The following SPATA31E1 variants were observed in gnomAD, a reference collection of about 807,000 sequenced individuals.
The protein encoded by SPATA31E1 is SPATA31 subfamily E member 1, also known as spermatogenesis-associated protein 31E1.
A neutral mutation model predicts 12.9 loss-of-function variants in SPATA31E1; 7 were observed. The observed-to-expected ratio is 0.54, with a 90% CI of 0.31 to 1.02. The LOEUF is 1.02. SPATA31E1 is among the 50% of genes least tolerant of loss of function. The pLI is 0.05. For missense variants in SPATA31E1, 1,961 were observed against 1,799.8 expected, an observed-to-expected ratio of 1.09 and a Z score of -1.62; for synonymous variants, 771 against 719.0, an observed-to-expected ratio of 1.07 and a Z score of -1.16.
intron 3 of SPATA31E1, 21 bp from the exon 4 acceptor site, chr9:87,884,892 T>C: frequency 6.3e-7 from 1 of 1,588,316 alleles, no homozygotes; most frequent in South Asian, 1.1e-5. Context: ...GGCTGCAGCT[T>C]GTGCCTCTTG....
chr9:87,886,681 G>A lies in SPATA31E1; in HGVS notation c.2194G>A (p.Glu732Lys), dbSNP rs780597687. Residue 732 changes from glutamate to lysine, a missense_variant, in exon 4 of 4, where the codon GAA (glutamate) becomes AAA (lysine). Physicochemically the swap from Glu to Lys is moderately conservative, Grantham distance 56 (BLOSUM62 1). Transcript: ENST00000325643. The stretch of plus-strand genomic sequence containing the variant: ...AAGGACCTCAGTGAAGGCTCTGGAC[G>A]AAGACAAGGAGGCAGAAGGTGACTT... ...SGRTSVKALDEDKEAEGDLRR... is the reference protein window; with the variant it reads ...SGRTSVKALDKDKEAEGDLRR... 17 of 1,613,824 alleles carry A rather than the reference G, an allele frequency of 1.1e-5. No individual in the cohort carries two copies. The highest frequency in any genetic ancestry group is 9.3e-5 in the African/African-American group (7 of 74,890).
rs142446013 is a variant in SPATA31E1 at position 87,887,137 on chromosome 9, C to G, written c.2650C>G (p.Arg884Gly). 1 of 1,614,088 alleles carries G rather than the reference C, an allele frequency of 6.2e-7. No individual in the cohort carries two copies. The highest frequency in any genetic ancestry group is 1.1e-5 in the South Asian group (1 of 91,080). Residue 884 changes from arginine to glycine, a missense_variant, in exon 4 of 4, where the codon CGG becomes GGG. Transcript: ENST00000325643. ...TFTPWASWVS[R>G]VESVPKVPIF... The stretch of plus-strand genomic sequence containing the variant: ...TACCCCCTGGGCCTCCTGGGTATCT[C>G]GGGTTGAATCTGTACCCAAGGTTCC...
chr9:87,885,121 C>T lies in SPATA31E1; in HGVS notation c.634C>T (p.Pro212Ser), dbSNP rs979346190. The T allele has an allele frequency of 3.1e-6, 5 of 1,614,174 alleles. No homozygotes were observed. Among genetic ancestry groups the T allele is most frequent in the Admixed American group, 3.3e-5 (2 of 60,030 alleles). ...LSPGPMTFSE[P>S]FGPHSTLSAS... ...ACCAGGCCCGATGACCTTCTCAGAG[C>T]CTTTTGGACCACACTCAACCCTGAG... The change falls in exon 4 of 4, where the codon CCT becomes TCT. Residue 212 changes from proline to serine, a missense_variant. Pro to Ser is a moderately conservative substitution (Grantham distance 74, BLOSUM62 -1). Transcript: ENST00000325643.
Position 87,887,791 on chromosome 9 carries a change from C to T in SPATA31E1, c.3304C>T (p.Leu1102Phe). 1 of 1,613,964 alleles carries T rather than the reference C, an allele frequency of 6.2e-7. No individual in the cohort carries two copies. Among genetic ancestry groups the T allele is most frequent in the Non-Finnish European group, 8.5e-7 (1 of 1,180,018 alleles). Residue 1102 changes from leucine to phenylalanine, a missense_variant, in exon 4 of 4, where the codon CTC becomes TTC. Physicochemically the swap from Leu to Phe is conservative, Grantham distance 22. Coordinates refer to ENST00000325643, the MANE Select transcript of SPATA31E1 (RefSeq NM_178828.5). The part of the protein sequence containing the change: ...LKAQVVSEIA[L>F]IVQVDSEEQL... ...AGCGCAGGTGGTCAGTGAGATTGCG[C>T]TCATAGTGCAGGTGGACTCAGAGGA... is the stretch of plus-strand genomic sequence containing the variant.
rs1436833618 is a variant in SPATA31E1, at chr9:87,885,561, C to A, written c.1074C>A (p.His358Gln). The A allele has an allele frequency of 6.2e-7, 1 of 1,614,200 alleles. No individual in the cohort carries two copies. Among genetic ancestry groups the A allele is most frequent in the Non-Finnish European group, 8.5e-7 (1 of 1,180,054 alleles). ...HMEVGGCTFI[H>Q]PDVQKLLETL... Reference sequence around the variant, plus strand: ...AGGTAGGTGGCTGCACATTCATCCACCCTGACGTGCAGAAGCTGCTGGAGA... The same window carrying A: ...AGGTAGGTGGCTGCACATTCATCCAACCTGACGTGCAGAAGCTGCTGGAGA... Residue 358 changes from histidine to glutamine, a missense_variant, in exon 4 of 4, where the codon CAC (histidine) becomes CAA (glutamine). Physicochemically the swap from His to Gln is conservative, Grantham distance 24. Coordinates refer to ENST00000325643, the MANE Select transcript of SPATA31E1 (RefSeq NM_178828.5).
intron 1 of SPATA31E1, among the ~76,000 whole-genome samples, chr9:87,883,594 C>A (rs916413626): frequency 2.0e-5 from 3 of 152,180 alleles, no homozygotes; most frequent in Non-Finnish European, 4.4e-5. Context: ...CCCAGTAGAG[C>A]CTGGATTCGC....
At position 87,887,409 on chromosome 9, in the gene SPATA31E1, G is replaced by A; in HGVS notation, c.2922G>A (p.Arg974=). The A allele has an allele frequency of 6.2e-7, 1 of 1,613,820 alleles. No homozygotes were observed. Among genetic ancestry groups the A allele is most frequent in the Non-Finnish European group, 8.5e-7 (1 of 1,180,040 alleles). ...TTGTGGGCAGAACCTGGCAGAGCAG[G>A]ACTGTCCTGGAATCCGGGAAACCCA... ...CSLVGRTWQS[R]TVLESGKPKP... Residue 974 remains arginine, a synonymous_variant, in exon 4 of 4, where the codon AGG becomes AGA. Transcript: ENST00000325643.
rs1587569482 is a variant in SPATA31E1 at position 87,886,356 on chromosome 9, G to C, written c.1869G>C (p.Glu623Asp). The C allele has an allele frequency of 6.2e-7, 1 of 1,613,502 alleles. No individual in the cohort carries two copies. The highest frequency in any genetic ancestry group is 1.3e-5 in the African/African-American group (1 of 75,020). ...TTCCCGGGGTTGTCACCAGCCCTGA[G>C]CTCCCAGAGCACTGGTGGCAAGGAA... Reference protein sequence around the residue: ...PILPGVVTSPELPEHWWQGRN... With the variant: ...PILPGVVTSPDLPEHWWQGRN... The change falls in exon 4 of 4, where the codon GAG (glutamate) becomes GAC (aspartate). Residue 623 changes from glutamate (E) to aspartate (D), a missense_variant. Glu to Asp is a conservative substitution (Grantham distance 45, BLOSUM62 2). Coordinates refer to ENST00000325643, the MANE Select transcript of SPATA31E1 (RefSeq NM_178828.5).
intron 1 of SPATA31E1, among the ~76,000 whole-genome samples, chr9:87,883,503 C>T (rs1291692216): frequency 1.3e-5 from 2 of 152,186 alleles, no homozygotes; most frequent in Admixed American, 6.5e-5. Flanking sequence ...CACCCCCTTC[C>T]TGGGGCAGGT....
At chr9:87,884,448 T>C (rs1049442132) in intron 2 of SPATA31E1, 143 bp from the exon 3 acceptor site, 36 of 826,964 alleles carry the variant, frequency 4.4e-5, no homozygotes, top group South Asian at 2.7e-4. Flanking sequence ...CCTGTCACCA[T>C]TGGGGCCATG....
rs1457932576 is a variant in SPATA31E1, at chr9:87,888,717, GT to G, written c.4231del (p.Ser1411ProfsTer26). ...GGGCCCCACCTCCCAGGGAGCCTGT[GT>G]CCCCAGCTGGTCCCCACCACCACAG... ...SWAPPPREPV[S>X]PAGPHHHRPR... On this transcript the variant is annotated frameshift_variant, in exon 4 of 4. Transcript: ENST00000325643. LOFTEE classifies it low-confidence loss of function (END_TRUNC). 3 of 1,613,880 alleles carry G rather than the reference GT, an allele frequency of 1.9e-6. No homozygotes were observed. The East Asian group carries it at 6.7e-5, about 36-fold the overall frequency.
chr9:87,888,206 G>A lies in SPATA31E1; in HGVS notation c.3719G>A (p.Gly1240Glu), dbSNP rs1283619330. ...CACCCTGCCCAAGCCAGGGAAATAG[G>A]AGACAAACAAGAAAGGAAATACAAC... is the stretch of plus-strand genomic sequence containing the variant. ...RSHPAQAREI[G>E]DKQERKYNQL... Residue 1240 changes from glycine to glutamate, a missense_variant, in exon 4 of 4, where the codon GGA becomes GAA. Coordinates refer to ENST00000325643, the MANE Select transcript of SPATA31E1 (RefSeq NM_178828.5). The A allele has an allele frequency of 6.2e-7, 1 of 1,613,936 alleles. No individual in the cohort carries two copies. Among genetic ancestry groups the A allele is most frequent in the Non-Finnish European group, 8.5e-7 (1 of 1,180,022 alleles).
At position 87,885,319 on chromosome 9, in the gene SPATA31E1, A is replaced by G. The variant is rs1435858998; in HGVS notation, c.832A>G (p.Ser278Gly). The change falls in exon 4 of 4, where the codon AGC becomes GGC. Residue 278 changes from serine (S) to glycine (G), a missense_variant. By Grantham distance (56) the Ser-to-Gly change is moderately conservative (BLOSUM62 0). Coordinates refer to ENST00000325643, the MANE Select transcript of SPATA31E1 (RefSeq NM_178828.5). ...CGSTTCPVPQ[S>G]SPLHNQVLPP... ...CTCCACAACATGCCCCGTCCCCCAG[A>G]GCTCCCCTCTACACAACCAGGTGCT... The G allele has an allele frequency of 3.1e-6, 5 of 1,613,750 alleles. No individual in the cohort carries two copies. Among genetic ancestry groups the G allele is most frequent in the African/African-American group, 1.3e-5 (1 of 74,954 alleles).
Position 87,885,436 on chromosome 9 carries a change from G to C in SPATA31E1, c.949G>C (p.Gly317Arg), listed in dbSNP as rs200684529. ...CTGGAGGGAGGCTGCCACCACCTGG[G>C]GCCTCTCCACCTACTCACATGGCAA... ...YCWREAATTWGLSTYSHGKSQ... is the reference protein window; with the variant it reads ...YCWREAATTWRLSTYSHGKSQ... The change falls in exon 4 of 4, where the codon GGC (glycine) becomes CGC (arginine). Residue 317 changes from glycine (G) to arginine (R), a missense_variant. Coordinates refer to ENST00000325643, the MANE Select transcript of SPATA31E1 (RefSeq NM_178828.5). 5 of 1,613,884 alleles carry C rather than the reference G, an allele frequency of 3.1e-6. No individual in the cohort carries two copies. Among genetic ancestry groups the C allele is most frequent in the Admixed American group, 3.3e-5 (2 of 60,004 alleles).
intron 2 of SPATA31E1, 144 bp downstream of exon 2, chr9:87,884,190 A>C: frequency 9.0e-7 from 1 of 1,109,522 alleles, no homozygotes; most frequent in Non-Finnish European, 1.3e-6. Flanking sequence ...TGCGGGAATG[A>C]AGCCACGGGC....
chr9:87,884,489 G>A, intron 2 of SPATA31E1, 102 bp from the exon 3 acceptor site: 1 of 1,227,542 alleles, frequency 8.1e-7, no homozygotes, highest in Non-Finnish European at 1.2e-6. Context: ...AGGGCTTCAG[G>A]GTCTAGTCCC....
Position 87,886,450 on chromosome 9 carries a change from C to T in SPATA31E1, c.1963C>T (p.Gln655Ter), listed in dbSNP as rs771379973. ...ATTGCAGGCATCTGGGGACCTGCTACAGCCTGATGGGGAATTCCCAGGGAG... is the reference window on the plus strand; with the variant it reads ...ATTGCAGGCATCTGGGGACCTGCTATAGCCTGATGGGGAATTCCCAGGGAG... ...SRLQASGDLLQPDGEFPGRPQ... is the reference protein window; with the variant it reads ...SRLQASGDLL The change falls in exon 4 of 4, where the codon CAG becomes TAG. Residue 655 changes from glutamine to a stop codon, truncating the protein, a stop_gained. Transcript: ENST00000325643. LOFTEE classifies it low-confidence loss of function (END_TRUNC). 3.7e-6 allele frequency: 6 copies of T among 1,613,980 alleles called. No individual in the cohort carries two copies. The highest frequency in any genetic ancestry group is 5.1e-6 in the Non-Finnish European group (6 of 1,179,978).
Position 87,885,695 on chromosome 9 carries a change from T to C in SPATA31E1, c.1208T>C (p.Leu403Pro). Residue 403 changes from leucine (L) to proline (P), a missense_variant, in exon 4 of 4, where the codon CTA (leucine) becomes CCA (proline). By Grantham distance (98) the Leu-to-Pro change is moderately conservative (BLOSUM62 -3). Coordinates refer to ENST00000325643, the MANE Select transcript of SPATA31E1 (RefSeq NM_178828.5). The part of the protein sequence containing the change: ...SLGKEWDITT[L>P]NPFWNVSTQP... Reference sequence around the variant, plus strand: ...GGGAAGGAGTGGGACATCACGACCCTAAATCCCTTCTGGAACGTGTCAACC... The same window carrying C: ...GGGAAGGAGTGGGACATCACGACCCCAAATCCCTTCTGGAACGTGTCAACC... 1.9e-6 allele frequency: 3 copies of C among 1,613,664 alleles called. No homozygotes were observed. Among genetic ancestry groups the C allele is most frequent in the Non-Finnish European group, 2.5e-6 (3 of 1,180,012 alleles).
chr9:87,884,791 C>A, intron 3 of SPATA31E1, 122 bp from the exon 4 acceptor site: 10 of 1,473,174 alleles, frequency 6.8e-6, no homozygotes, highest in Non-Finnish European at 7.4e-6. Flanking sequence ...CAGGCTTAGG[C>A]AGAGCTTTAT....
Sources: allele counts gnomAD v4.1 joint callset (sites outside exome capture counted in the v4.1 genomes callset), GRCh38; gene constraint gnomAD v4.1.1; transcripts MANE v1.5; gene names NCBI Gene and HGNC (gene_info 2026-07-23, HGNC 2026-07-21).